Variants in GPHN observed in about 807,000 individuals in gnomAD.
The protein encoded by GPHN is gephyrin.
A neutral mutation model predicts 95.5 loss-of-function variants in GPHN; 17 were observed. That is an observed-to-expected ratio of 0.18 (90% CI 0.12 to 0.27). GPHN has a LOEUF of 0.27. GPHN is among the 10% of genes least tolerant of loss of function. The probability of loss-of-function intolerance (pLI) is 1.00; values close to 1 mark genes in which losing one functional copy is unlikely to be tolerated. For synonymous variants in GPHN, 320 were observed against 322.5 expected (o/e 0.99, Z 0.08); for missense variants, 660 against 978.1 (o/e 0.67, Z 4.34).
chr14:67,131,027 A>G (rs557264789), intron 17 of GPHN, among the ~76,000 whole-genome samples: 12 of 152,278 alleles, frequency 7.9e-5, no homozygotes, highest in African/African-American at 2.9e-4. Flanking sequence ...TCAATAACCT[A>G]TTAGCCTCCT....
At chr14:67,392,648 A>C in the GPHN span, 1 of 1,600,372 alleles carries the variant, frequency 6.2e-7, no homozygotes, top group South Asian at 1.1e-5. Context: ...AGAAGAACCC[A>C]CTCCCCAACT....
chr14:67,264,241 G>C, the GPHN span, among the ~76,000 whole-genome samples: 2 of 152,196 alleles, frequency 1.3e-5, no homozygotes, highest in Non-Finnish European at 2.9e-5. Context: ...GGGGATGACA[G>C]TGGTATTTAA....
chr14:66,848,234 A>T (rs953210466), intron 4 of GPHN, among the ~76,000 whole-genome samples: 25 of 152,134 alleles, frequency 1.6e-4, no homozygotes, highest in Middle Eastern at 3.2e-3. Context: ...TTCAGGAATC[A>T]AATTTTCTTT....
chr14:67,632,277 A>G, the GPHN span, among the ~76,000 whole-genome samples: 1 of 152,226 alleles, frequency 6.6e-6, no homozygotes, highest in Admixed American at 6.5e-5. Context: ...ACTTTTTGTT[A>G]TGGAAGTATT....
At chr14:67,540,525 C>T in the GPHN span, among the ~76,000 whole-genome samples, 1 of 151,386 alleles carries the variant, frequency 6.6e-6, no homozygotes, top group South Asian at 2.1e-4. Flanking sequence ...TCTCAGGAGG[C>T]TGAGGCATGA....
At chr14:66,903,770 C>A (rs946874939) in intron 5 of GPHN, among the ~76,000 whole-genome samples, 4 of 152,036 alleles carry the variant, frequency 2.6e-5, no homozygotes, top group African/African-American at 9.7e-5. Flanking sequence ...CTGGTAGTAT[C>A]TTTTAATTTG....
chr14:67,669,803 CA>C, the GPHN span, among the ~76,000 whole-genome samples: 261 of 152,296 alleles, frequency 1.7e-3, 15 homozygotes, highest in South Asian at 0.053. Context: ...ATTTCTGCCT[CA>C]AAACCAACTC....
the GPHN span, chr14:67,334,023 C>T: frequency 5.2e-5 from 8 of 152,436 alleles, no homozygotes; most frequent in Non-Finnish European, 8.8e-5. Flanking sequence ...ATTGAAAACA[C>T]TTGTTTAGCA....
At chr14:67,488,284 A>G in the GPHN span, among the ~76,000 whole-genome samples, 1 of 152,264 alleles carries the variant, frequency 6.6e-6, no homozygotes, top group South Asian at 2.1e-4. Context: ...GCTCAAGCTG[A>G]CAACCTGTGA....
At chr14:67,388,284 C>A in the GPHN span, 1 of 1,612,224 alleles carries the variant, frequency 6.2e-7, no homozygotes, top group Non-Finnish European at 8.5e-7. Context: ...GAAAACCCAC[C>A]CACTGGCCTG....
the GPHN span, chr14:67,581,129 C>T: frequency 6.2e-5 from 50 of 802,272 alleles, no homozygotes; most frequent in South Asian, 8.7e-5. Flanking sequence ...CCTATCCAGA[C>T]GGGGGGAGGG....
the GPHN span, among the ~76,000 whole-genome samples, chr14:67,475,699 A>G: frequency 2.6e-5 from 4 of 152,164 alleles, no homozygotes; most frequent in Non-Finnish European, 5.9e-5. Flanking sequence ...TTGACACAGG[A>G]AAGAGTCCTC....
At chr14:67,085,165 G>A (rs2076834656) in intron 11 of GPHN, among the ~76,000 whole-genome samples, 1 of 152,158 alleles carries the variant, frequency 6.6e-6, no homozygotes, top group African/African-American at 2.4e-5. Flanking sequence ...TTAGAATGGG[G>A]AGTAAATATT....
chr14:66,694,223 C>G (rs908895544), intron 2 of GPHN, among the ~76,000 whole-genome samples: 1 of 152,134 alleles, frequency 6.6e-6, no homozygotes, highest in Non-Finnish European at 1.5e-5. Flanking sequence ...AGACAGGCCC[C>G]TTTCCCCTAC....
the GPHN span, chr14:67,592,569 G>C: frequency 1.0e-6 from 1 of 962,984 alleles, no homozygotes; most frequent in Non-Finnish European, 1.7e-6. Flanking sequence ...CTGACAAAAG[G>C]AATTTACATT....
At chr14:66,859,815 A>C (rs551224723) in intron 4 of GPHN, among the ~76,000 whole-genome samples, 15 of 152,332 alleles carry the variant, frequency 9.8e-5, no homozygotes, top group South Asian at 4.1e-4. Flanking sequence ...AATTCTAGAC[A>C]TGGAAAATGC....
chr14:67,099,803 TATC>T (rs538233109), intron 12 of GPHN, among the ~76,000 whole-genome samples: 41 of 152,166 alleles, frequency 2.7e-4, no homozygotes, highest in African/African-American at 8.9e-4. Context: ...AAAGAGAAAA[TATC>T]ATTATTAGTA....
chr14:67,452,524 T>C, the GPHN span, among the ~76,000 whole-genome samples: 53 of 152,282 alleles, frequency 3.5e-4, no homozygotes, highest in Admixed American at 8.5e-4. Flanking sequence ...ATCAGCAGCA[T>C]GAAAATGCAC....
intron 13 of GPHN, among the ~76,000 whole-genome samples, chr14:67,108,301 G>GA (rs1484298545): frequency 1.3e-5 from 2 of 152,130 alleles, no homozygotes; most frequent in African/African-American, 2.4e-5. Flanking sequence ...CAAGGGGAAT[G>GA]AAAACTCTAC....
Sources: allele counts gnomAD v4.1 joint callset (sites outside exome capture counted in the v4.1 genomes callset), GRCh38; gene constraint gnomAD v4.1.1; transcripts MANE v1.5; gene names NCBI Gene and HGNC (gene_info 2026-07-23, HGNC 2026-07-21).